Variants in ADGRG6 observed in about 807,000 individuals in gnomAD.
ADGRG6 encodes G-protein coupled receptor 126.
A neutral mutation model predicts 142.4 loss-of-function variants in ADGRG6; 84 were observed. That is an observed-to-expected ratio of 0.59 (90% confidence interval 0.49 to 0.71). The LOEUF is 0.71. Ranked by LOEUF, ADGRG6 falls within the 30% of genes least tolerant of loss-of-function variation. ADGRG6 has a pLI of 0.00. For missense variants in ADGRG6, 1,367 were observed against 1,466.6 expected (o/e 0.93, Z 1.11); for synonymous variants, 521 against 520.5 (o/e 1.00, Z -0.01).
chr6:142,398,645 T>C (rs1775332604), intron 10 of ADGRG6, among the ~76,000 whole-genome samples: 1 of 152,136 alleles, frequency 6.6e-6, no homozygotes, highest in Non-Finnish European at 1.5e-5. Flanking sequence ...CCTTTCTATA[T>C]CTTTGCACAC....
intron 23 of ADGRG6, 38 bp downstream of exon 23, chr6:142,437,573 G>C (rs752351974): frequency 2.1e-6 from 2 of 947,384 alleles, no homozygotes; most frequent in African/African-American, 1.6e-5. Context: ...TCTACAAGTA[G>C]ATGGGAAAGT....
chr6:142,426,986 T>A (rs1562388182), intron 22 of ADGRG6, among the ~76,000 whole-genome samples: 1 of 152,120 alleles, frequency 6.6e-6, no homozygotes, highest in Non-Finnish European at 1.5e-5. Flanking sequence ...GAAACCACTT[T>A]TTCCTCCTAG....
intron 8 of ADGRG6, among the ~76,000 whole-genome samples, chr6:142,393,399 C>G (rs905373291): frequency 1.3e-5 from 2 of 152,078 alleles, no homozygotes; most frequent in Non-Finnish European, 2.9e-5. Flanking sequence ...GACAGTCTGT[C>G]TGATTGCAAC....
At chr6:142,429,946 G>A (rs1431874790) in intron 22 of ADGRG6, among the ~76,000 whole-genome samples, 1 of 152,126 alleles carries the variant, frequency 6.6e-6, no homozygotes, top group Non-Finnish European at 1.5e-5. Flanking sequence ...AGTTACTCAG[G>A]AGGCTGAGGC....
At chr6:142,387,627 G>A (rs1782096970) in intron 6 of ADGRG6, among the ~76,000 whole-genome samples, 2 of 152,162 alleles carry the variant, frequency 1.3e-5, no homozygotes, top group Admixed American at 1.3e-4. Context: ...TTTTCAAATA[G>A]GCCTATCATT....
intron 9 of ADGRG6, 133 bp downstream of exon 9, chr6:142,394,091 C>A (rs1469330290): frequency 3.5e-6 from 2 of 578,860 alleles, no homozygotes; most frequent in African/African-American, 1.9e-5. Flanking sequence ...TTTAGCACTG[C>A]TGTACACTAC....
intron 2 of ADGRG6, among the ~76,000 whole-genome samples, 156 bp downstream of exon 2, chr6:142,309,800 T>C (rs1777678812): frequency 1.3e-5 from 2 of 151,752 alleles, no homozygotes; most frequent in South Asian, 4.1e-4. Flanking sequence ...TGTTTATGAT[T>C]TGTCTGTTCT....
chr6:142,325,183 A>T (rs761691133), intron 2 of ADGRG6, among the ~76,000 whole-genome samples: 4 of 152,174 alleles, frequency 2.6e-5, no homozygotes, highest in Non-Finnish European at 4.4e-5. Context: ...CTTTGGACTT[A>T]CAGACAATAT....
At chr6:142,401,802 C>T (rs1245604234) in intron 11 of ADGRG6, among the ~76,000 whole-genome samples, 192 bp from the exon 12 acceptor site, 2 of 151,634 alleles carry the variant, frequency 1.3e-5, no homozygotes, top group African/African-American at 2.4e-5. Flanking sequence ...AGAGATAGAA[C>T]GTAGACATAT....
intron 4 of ADGRG6, among the ~76,000 whole-genome samples, chr6:142,371,308 G>A (rs571334789): frequency 9.9e-5 from 15 of 151,512 alleles, no homozygotes; most frequent in South Asian, 8.4e-4. Context: ...GACCACAGGC[G>A]TGCACCACCA....
At chr6:142,421,218 T>G (rs1254784333) in intron 22 of ADGRG6, among the ~76,000 whole-genome samples, 1 of 152,166 alleles carries the variant, frequency 6.6e-6, no homozygotes, top group Non-Finnish European at 1.5e-5. Flanking sequence ...AGGTGCTTAA[T>G]GATTGGTAAA....
chr6:142,391,515 A>G (rs1774897996), intron 7 of ADGRG6, among the ~76,000 whole-genome samples: 1 of 151,702 alleles, frequency 6.6e-6, no homozygotes, highest in African/African-American at 2.4e-5. Context: ...TAACTGATAG[A>G]AAACAGTCTT....
intron 2 of ADGRG6, among the ~76,000 whole-genome samples, chr6:142,343,245 T>C (rs1017651857): frequency 3.3e-5 from 5 of 151,744 alleles, no homozygotes; most frequent in Non-Finnish European, 5.9e-5. Flanking sequence ...TAAATGGTAT[T>C]TACTTGGTTA....
At chr6:142,398,454 C>G (rs993379387) in intron 10 of ADGRG6, among the ~76,000 whole-genome samples, 2 of 152,134 alleles carry the variant, frequency 1.3e-5, no homozygotes, top group Non-Finnish European at 2.9e-5. Flanking sequence ...GTCTCCTTCT[C>G]TCATGTTCCC....
chr6:142,366,665 G>GA (rs1780955172), intron 2 of ADGRG6, among the ~76,000 whole-genome samples: 1 of 150,848 alleles, frequency 6.6e-6, no homozygotes, highest in African/African-American at 2.4e-5. Context: ...TGAGGCACTA[G>GA]AATTGCTTGA....
chr6:142,309,563 A>G lies in ADGRG6; in HGVS notation c.22A>G (p.Met8Val). The G allele has an allele frequency of 6.2e-7, 1 of 1,609,160 alleles. No individual in the cohort carries two copies. ...TTGCAGGATGTTTCGCTCAGATCGAATGTGGAGCTGCCATTGGAAATGGAA... is the reference window on the plus strand; with the variant it reads ...TTGCAGGATGTTTCGCTCAGATCGAGTGTGGAGCTGCCATTGGAAATGGAA... MMFRSDR[M>V]WSCHWKWKPS... Residue 8 changes from methionine (M) to valine (V), a missense_variant, in exon 2 of 25, where the codon ATG becomes GTG. By Grantham distance (21) the Met-to-Val change is conservative (BLOSUM62 1). Around this residue, in one of 3 missense-constraint regions of ADGRG6, gnomAD observed 737 missense variants for 746.5 expected, o/e 0.99. Coordinates refer to ENST00000367609, the MANE Select transcript of ADGRG6 (RefSeq NM_198569.3).
intron 2 of ADGRG6, among the ~76,000 whole-genome samples, chr6:142,357,711 G>T (rs2114807737): frequency 6.6e-6 from 1 of 152,274 alleles, no homozygotes; most frequent in Non-Finnish European, 1.5e-5. Context: ...TATTGGGAAG[G>T]TAAGTTTGTA....
intron 2 of ADGRG6, among the ~76,000 whole-genome samples, chr6:142,338,013 C>CTTTTTTTTTTTTTTTTTTTTTTTTTT (rs1779405902): frequency 1.2e-4 from 3 of 26,076 alleles, no homozygotes; most frequent in African/African-American, 1.8e-4. Context: ...TGCCTTGTAT[C>CTTTTTTTTTTTTTTTTTTTTTTTTTT]TTTGTTTTTT....
chr6:142,383,681 C>T (rs775602212), intron 5 of ADGRG6, 79 bp from the exon 6 acceptor site: 1 of 718,940 alleles, frequency 1.4e-6, no homozygotes, highest in Non-Finnish European at 2.5e-6. Context: ...TATTTTAATG[C>T]ATTAATTATA....
Sources: allele counts gnomAD v4.1 joint callset (sites outside exome capture counted in the v4.1 genomes callset), GRCh38; gene constraint gnomAD v4.1.1; regional missense constraint gnomAD v4.1.1; transcripts MANE v1.5; gene names NCBI Gene and HGNC (gene_info 2026-07-23, HGNC 2026-07-21).